MXRA5: variants seen among roughly 807,000 people sequenced by gnomAD.
The protein encoded by MXRA5 is matrix remodeling associated 5.
MXRA5 carries 41 observed loss-of-function variants against 112.5 expected under a neutral mutation model. The ratio of observed to expected loss-of-function variants is 0.36; its 90% CI spans 0.28 to 0.47. The LOEUF (loss-of-function observed/expected upper bound fraction) is 0.47. MXRA5 is among the 20% of genes least tolerant of loss of function. The pLI is 0.99. For synonymous variants in MXRA5, 862 were observed against 900.8 expected, an observed-to-expected ratio of 0.96 and a Z score of 0.77; for missense variants, 2,150 against 2,251.0, an observed-to-expected ratio of 0.96 and a Z score of 0.91.
Position 3,321,961 on chromosome X carries a change from G to A in MXRA5, c.3724C>T (p.Arg1242Ter). ...RKHGKRPNKH[R>*]YTPSTVSSRA... ...GAGCTCACTGTAGAAGGGGTATATC[G>A]ATGTTTGTTTGGCCTCTTCCCGTGT... The change falls in exon 5 of 7, where the codon CGA (arginine) becomes TGA (stop). Residue 1242 changes from arginine to a stop codon, truncating the protein, a stop_gained. Coordinates refer to ENST00000217939, the MANE Select transcript of MXRA5 (RefSeq NM_015419.4). LOFTEE classifies it high-confidence loss of function. 2 of 1,211,312 alleles carry A rather than the reference G, an allele frequency of 1.7e-6. No individual in the cohort carries two copies. The highest frequency in any genetic ancestry group is 2.2e-6 in the Non-Finnish European group (2 of 895,402).
chrX:3,314,364 A>C (rs1921037555), intron 6 of MXRA5, among the ~76,000 whole-genome samples: 1 of 111,359 alleles, frequency 9.0e-6, no homozygotes, highest in African/African-American at 3.3e-5. Context: ...AGTAGCATCC[A>C]TCCCATCTGT....
intron 2 of MXRA5, among the ~76,000 whole-genome samples, chrX:3,332,486 C>T (rs779103298): frequency 6.3e-5 from 7 of 111,706 alleles, no homozygotes; most frequent in South Asian, 3.8e-4. Flanking sequence ...CCTCCTGATC[C>T]GCCCCACTCG....
At position 3,310,637 on chromosome X, in the gene MXRA5, G is replaced by A. The variant is rs1311225999; in HGVS notation, c.7566C>T (p.Asn2522=). The A allele has an allele frequency of 4.5e-5, 44 of 982,757 alleles. 1 individual carries two copies. The highest frequency in any genetic ancestry group is 5.8e-5 in the Non-Finnish European group (41 of 710,583). 81.0% of individuals were successfully genotyped at this position (982,757 alleles called of 1,213,427 possible). A position where few individuals can be genotyped will look rare whatever the true frequency, so the allele number is the denominator to read the frequency against. ...DSVQLVCMAR[N]EGGEARLILQ... ...GGATCAACCTGGCCTCCCCTCCCTCGTTGCGTGCCATGCATACCAGCTGGA... is the reference window on the plus strand; with the variant it reads ...GGATCAACCTGGCCTCCCCTCCCTCATTGCGTGCCATGCATACCAGCTGGA... The change falls in exon 7 of 7, where the codon AAC becomes AAT. Residue 2522 remains asparagine (N), a synonymous_variant. Transcript: ENST00000217939.
At position 3,320,591 on chromosome X, in the gene MXRA5, G is replaced by A; in HGVS notation, c.5094C>T (p.Tyr1698=). 1 of 1,211,936 alleles carries A rather than the reference G, an allele frequency of 8.3e-7. No homozygotes were observed. The highest frequency in any genetic ancestry group is 1.1e-6 in the Non-Finnish European group (1 of 895,404). Reference sequence around the variant, plus strand: ...TGTTGTTATTTCCAAACACTTTGGAGTAGCCATTGAATTGGTCAGTTCTTC... The same window carrying A: ...TGTTGTTATTTCCAAACACTTTGGAATAGCCATTGAATTGGTCAGTTCTTC... ...TDRRTDQFNG[Y]SKVFGNNNIP... The change falls in exon 5 of 7, where the codon TAC becomes TAT. Residue 1698 remains tyrosine, a synonymous_variant. Coordinates refer to ENST00000217939, the MANE Select transcript of MXRA5 (RefSeq NM_015419.4).
At chrX:3,332,149 A>AT (rs1921678021) in intron 2 of MXRA5, among the ~76,000 whole-genome samples, 1 of 112,532 alleles carries the variant, frequency 8.9e-6, no homozygotes, top group African/African-American at 3.2e-5. Flanking sequence ...TCAGCTACAA[A>AT]TTTTTGAGTG....
chrX:3,343,609 T>C (rs368269935), intron 2 of MXRA5, 37 bp downstream of exon 2: 1 of 1,170,365 alleles, frequency 8.5e-7, no homozygotes, highest in African/African-American at 1.8e-5. Flanking sequence ...ACGCACGCAC[T>C]GACAGTGGGA....
At chrX:3,341,070 A>T (rs1921914826) in intron 2 of MXRA5, among the ~76,000 whole-genome samples, 1 of 27,691 alleles carries the variant, frequency 3.6e-5, no homozygotes, top group Non-Finnish European at 8.9e-5. Context: ...TATATTATAT[A>T]ATATATTATA....
At chrX:3,326,618 C>T (rs1410181798) in intron 4 of MXRA5, among the ~76,000 whole-genome samples, 2 of 108,659 alleles carry the variant, frequency 1.8e-5, no homozygotes, top group South Asian at 4.0e-4. Context: ...TTGTAGTAAA[C>T]ACTTCACAGA....
At position 3,310,899 on chromosome X, in the gene MXRA5, A is replaced by T. The variant is rs765036032; in HGVS notation, c.7304T>A (p.Val2435Asp). The T allele has an allele frequency of 8.3e-7, 1 of 1,209,316 alleles. No homozygotes were observed. Among genetic ancestry groups the T allele is most frequent in the Non-Finnish European group, 1.1e-6 (1 of 895,076 alleles). Residue 2435 changes from valine (V) to aspartate (D), a missense_variant, in exon 7 of 7, where the codon GTC (valine) becomes GAC (aspartate). This residue lies in a region of MXRA5 where 93 missense variants were observed against 135.5 expected (regional missense o/e 0.69). Transcript: ENST00000217939. ...GTTGATCTTGGGTGGCTGGACGTTG[A>T]CGTGAATCCACACCGTCTTCCTATC... ...GEDRKTVWIH[V>D]NVQPPKINGN...
chrX:3,318,133 A>G, intron 5 of MXRA5, 130 bp from the exon 6 acceptor site: 1 of 507,915 alleles, frequency 2.0e-6, no homozygotes, highest in Non-Finnish European at 3.1e-6. Flanking sequence ...AGTAGGTAGA[A>G]TGTTTTAGTG....
Position 3,321,651 on chromosome X carries a change from C to G in MXRA5, c.4034G>C (p.Gly1345Ala), listed in dbSNP as rs759126264. 7 of 1,210,716 alleles carry G rather than the reference C, an allele frequency of 5.8e-6. No individual in the cohort carries two copies. In the Admixed American group the frequency reaches 1.5e-4, roughly 26 times the overall value. The stretch of plus-strand genomic sequence containing the variant: ...TGGTATGGCATTAGTAATTGATTCA[C>G]CAGTGACTAAAATGTCACTTTTATG... ...DKHKSDILVTGESITNAIPTS... is the reference protein window; with the variant it reads ...DKHKSDILVTAESITNAIPTS... Residue 1345 changes from glycine (G) to alanine (A), a missense_variant, in exon 5 of 7, where the codon GGT (glycine) becomes GCT (alanine). Transcript: ENST00000217939.
chrX:3,324,916 A>C lies in MXRA5; in HGVS notation c.769T>G (p.Phe257Val), dbSNP rs1195292340. 1 of 1,207,667 alleles carries C rather than the reference A, an allele frequency of 8.3e-7. No homozygotes were observed. Among genetic ancestry groups the C allele is most frequent in the Non-Finnish European group, 1.1e-6 (1 of 894,258 alleles). ...TGTTTGTACAACTTCTTTGGACTGA[A>C]GCACATTGCACACAACTGACCGCCT... Reference protein sequence around the residue: ...YEGGQLCAMCFSPKKLYKHEI... With the variant: ...YEGGQLCAMCVSPKKLYKHEI... Residue 257 changes from phenylalanine (F) to valine (V), a missense_variant, in exon 5 of 7, where the codon TTC becomes GTC. Around this residue, in one of 6 missense-constraint regions of MXRA5, gnomAD observed 386 missense variants for 411.0 expected, o/e 0.94. Coordinates refer to ENST00000217939, the MANE Select transcript of MXRA5 (RefSeq NM_015419.4).
chrX:3,318,194 G>C (rs1453807127), intron 5 of MXRA5, among the ~76,000 whole-genome samples, 191 bp from the exon 6 acceptor site: 3 of 111,767 alleles, frequency 2.7e-5, no homozygotes, highest in Non-Finnish European at 5.6e-5. Context: ...ATAGGGTCTT[G>C]CTGTCTCCCA....
intron 6 of MXRA5, among the ~76,000 whole-genome samples, chrX:3,311,870 G>A (rs1281541766): frequency 5.3e-5 from 6 of 112,362 alleles, no homozygotes; most frequent in African/African-American, 1.9e-4. Context: ...GACATGAAAT[G>A]TAGTCAAAGA....
At chrX:3,341,840 T>C (rs1921994074) in intron 2 of MXRA5, among the ~76,000 whole-genome samples, 1 of 103,077 alleles carries the variant, frequency 9.7e-6, no homozygotes, top group Non-Finnish European at 2.0e-5. Flanking sequence ...AGTTAGACCA[T>C]GTGTTAAAAT....
Position 3,330,195 on chromosome X carries a change from C to A in MXRA5, c.532G>T (p.Asp178Tyr), listed in dbSNP as rs1448393875. 4 of 1,209,326 alleles carry A rather than the reference C, an allele frequency of 3.3e-6. No homozygotes were observed. Among genetic ancestry groups the A allele is most frequent in the Non-Finnish European group, 4.5e-6 (4 of 894,285 alleles). Residue 178 changes from aspartate to tyrosine, a missense_variant, in exon 4 of 7, where the codon GAT becomes TAT. Coordinates refer to ENST00000217939, the MANE Select transcript of MXRA5 (RefSeq NM_015419.4). ...CTTATGGTGGAGAGTCTGAAATAAT[C>A]CAAAAATGTGAACGTGGAGAAGGTG... ...PSTFSTFTFL[D>Y]YFRLSTIRHL...
intron 2 of MXRA5, among the ~76,000 whole-genome samples, chrX:3,338,945 AATAGATAGATAGTTAGATAG>A (rs1432079420): frequency 2.0e-4 from 18 of 92,153 alleles, no homozygotes; most frequent in East Asian, 7.0e-4. Context: ...GACTATAGAT[AATAGATAGATAGTTAGATAG>A]ATAGATAGAT....
chrX:3,310,387 G>C lies in MXRA5; in HGVS notation c.7816C>G (p.Leu2606Val). ...TAGGCCCCGGCGTCCACCGAGGAGA[G>C]ACCGCTAATGTGTAGCATGCCGTCA... ...KADGMLHISGLSSVDAGAYRC... is the reference protein window; with the variant it reads ...KADGMLHISGVSSVDAGAYRC... Residue 2606 changes from leucine (L) to valine (V), a missense_variant, in exon 7 of 7, where the codon CTC (leucine) becomes GTC (valine). Coordinates refer to ENST00000217939, the MANE Select transcript of MXRA5 (RefSeq NM_015419.4). The C allele has an allele frequency of 1.7e-6, 2 of 1,206,761 alleles. No homozygotes were observed. Among genetic ancestry groups the C allele is most frequent in the Non-Finnish European group, 2.2e-6 (2 of 892,915 alleles).
At chrX:3,340,115 GA>G (rs1006509330) in intron 2 of MXRA5, among the ~76,000 whole-genome samples, 24 of 107,087 alleles carry the variant, frequency 2.2e-4, no homozygotes, top group South Asian at 7.8e-4. Flanking sequence ...GTTGGTTCCT[GA>G]AAAAAAATAT....
Sources: gnomAD v4.1 joint callset for allele counts (sites outside exome capture counted in the v4.1 genomes callset) on GRCh38, gnomAD v4.1.1 for gene constraint, gnomAD v4.1.1 regional missense constraint, MANE v1.5 for transcripts, NCBI Gene and HGNC (gene_info 2026-07-23, HGNC 2026-07-21) for gene names.